Variants in SIGLEC15 observed in about 807,000 individuals in gnomAD.
SIGLEC15 encodes the protein sialic acid-binding Ig-like lectin 15.
SIGLEC15 carries 31 observed loss-of-function variants against 26.2 expected under a neutral mutation model. The observed-to-expected ratio is 1.18, with a 90% CI of 0.89 to 1.60. The LOEUF is 1.60. SIGLEC15 is among the 40% of genes most tolerant of loss of function. The pLI is 0.00. For synonymous variants in SIGLEC15, 207 were observed against 221.9 expected, an observed-to-expected ratio of 0.93 and a Z score of 0.60; for missense variants, 501 against 488.4, an observed-to-expected ratio of 1.03 and a Z score of -0.24.
chr18:45,826,279 T>C (rs1367448077), intron 1 of SIGLEC15, among the ~76,000 whole-genome samples: 3 of 152,044 alleles, frequency 2.0e-5, no homozygotes, highest in Non-Finnish European at 4.4e-5. Flanking sequence ...GGAATCCCAG[T>C]GGGTGAGTGG....
At chr18:45,831,245 C>A (rs1194124800) in intron 1 of SIGLEC15, among the ~76,000 whole-genome samples, 7 of 152,192 alleles carry the variant, frequency 4.6e-5, no homozygotes, top group African/African-American at 1.2e-4. Flanking sequence ...TGGCTCAAAG[C>A]CTTCTGGGTT....
Position 45,842,446 on chromosome 18 carries a change from A to T in SIGLEC15, c.*259A>T, listed in dbSNP as rs572547060. 3.8e-4 allele frequency: 152 copies of T among 395,520 alleles called. No homozygotes were observed. The highest frequency in any genetic ancestry group is 1.4e-3 in the Middle Eastern group (2 of 1,404). The allele number at this position is 395,520 out of a possible 1,614,324, so 24.5% of individuals were successfully genotyped here. On this transcript the variant is annotated 3_prime_UTR_variant, in exon 6 of 6. Coordinates refer to ENST00000389474, the MANE Select transcript of SIGLEC15 (RefSeq NM_213602.3). ...GTCTGTGTGTGTGTGTGTGTGTGAG[A>T]GAGAGAGAGAGAGAGTACACGCATT...
chr18:45,837,214 A>C, intron 2 of SIGLEC15, 126 bp downstream of exon 2: 1 of 1,422,418 alleles, frequency 7.0e-7, no homozygotes, highest in Non-Finnish European at 9.3e-7. Context: ...TATGGGGTCA[A>C]GGGGCCTGCA....
intron 2 of SIGLEC15, 30 bp from the exon 3 acceptor site, chr18:45,837,483 C>T (rs777651848): frequency 3.5e-6 from 5 of 1,448,212 alleles, no homozygotes; most frequent in Non-Finnish European, 4.5e-6. Flanking sequence ...CCCAGGGCCC[C>T]GAGCCTGACG....
intron 2 of SIGLEC15, 51 bp from the exon 3 acceptor site, chr18:45,837,462 G>C: frequency 7.0e-7 from 1 of 1,424,758 alleles, no homozygotes; most frequent in Non-Finnish European, 9.1e-7. Context: ...CCCGGGTGCG[G>C]GCGCCTCGAC....
chr18:45,838,772 G>T lies in SIGLEC15; in HGVS notation c.551G>T (p.Arg184Leu). ...SVLPSPAHAFRALCTAEGEPP... is the reference protein window; with the variant it reads ...SVLPSPAHAFLALCTAEGEPP... ...CTGCCCAGTCCGGCTCACGCCTTCC[G>T]CGCGCTCTGCACTGCCGAAGGGGAG... Residue 184 changes from arginine (R) to leucine (L), a missense_variant, in exon 4 of 6, where the codon CGC becomes CTC. Transcript: ENST00000389474. 6.4e-7 allele frequency: 1 copy of T among 1,572,890 alleles called. No homozygotes were observed. Among genetic ancestry groups the T allele is most frequent in the East Asian group, 2.3e-5 (1 of 43,178 alleles).
rs201942536 is a variant in SIGLEC15, at chr18:45,838,826, C to A, written c.605C>A (p.Pro202Gln). ...EPPPALAWSG[P>Q]ALGNSLAAVR... ...CCGCCCGCCCTCGCCTGGTCCGGCCCGGCCCTGGGCAACAGCTTGGCAGCC... is the reference window on the plus strand; with the variant it reads ...CCGCCCGCCCTCGCCTGGTCCGGCCAGGCCCTGGGCAACAGCTTGGCAGCC... Residue 202 changes from proline (P) to glutamine (Q), a missense_variant, in exon 4 of 6, where the codon CCG becomes CAG. Coordinates refer to ENST00000389474, the MANE Select transcript of SIGLEC15 (RefSeq NM_213602.3). 253 of 1,562,904 alleles carry A rather than the reference C, an allele frequency of 1.6e-4. 1 individual carries two copies. The African/African-American group carries it at 3.1e-3, about 19-fold the overall frequency.
At position 45,840,218 on chromosome 18, in the gene SIGLEC15, G is replaced by C; in HGVS notation, c.882G>C (p.Leu294=). The C allele has an allele frequency of 6.2e-7, 1 of 1,612,560 alleles. No individual in the cohort carries two copies. Residue 294 remains leucine (L), a synonymous_variant, in exon 5 of 6, where the codon CTG becomes CTC. Coordinates refer to ENST00000389474, the MANE Select transcript of SIGLEC15 (RefSeq NM_213602.3). ...ARAARRRPEH[L]DTPDTPPRSQ... Reference sequence around the variant, plus strand: ...TTGCTGTCCCTCCCACAGAGCATCTGGACACCCCGGACACCCCACCACGGT... The same window carrying C: ...TTGCTGTCCCTCCCACAGAGCATCTCGACACCCCGGACACCCCACCACGGT...
intron 1 of SIGLEC15, among the ~76,000 whole-genome samples, chr18:45,832,573 C>A (rs1166219357): frequency 6.6e-6 from 1 of 152,214 alleles, no homozygotes; most frequent in African/African-American, 2.4e-5. Flanking sequence ...CCAAAGCTAG[C>A]ATGCTTCCCG....
At chr18:45,828,371 C>T (rs938047261) in intron 1 of SIGLEC15, among the ~76,000 whole-genome samples, 1 of 152,194 alleles carries the variant, frequency 6.6e-6, no homozygotes, top group African/African-American at 2.4e-5. Context: ...CTCCCAGGGG[C>T]TCCCCACATA....
intron 1 of SIGLEC15, among the ~76,000 whole-genome samples, chr18:45,834,059 C>T (rs567918549): frequency 1.5e-4 from 23 of 152,302 alleles, no homozygotes; most frequent in Admixed American, 4.6e-4. Flanking sequence ...GATGTCCACG[C>T]CTTGTGGCTT....
intron 4 of SIGLEC15, among the ~76,000 whole-genome samples, chr18:45,839,681 T>C (rs1480362005): frequency 3.3e-5 from 5 of 152,006 alleles, no homozygotes; most frequent in African/African-American, 1.2e-4. Flanking sequence ...AATAAAAATA[T>C]GTAAGTAGGC....
chr18:45,838,380 C>G, intron 3 of SIGLEC15: 1 of 425,600 alleles, frequency 2.3e-6, no homozygotes, highest in Non-Finnish European at 4.2e-6. Flanking sequence ...AGTGGCTCTC[C>G]ACTCTAGCCC....
chr18:45,829,071 G>A, intron 1 of SIGLEC15: 3 of 985,566 alleles, frequency 3.0e-6, no homozygotes, highest in South Asian at 4.7e-5. Context: ...TGGGCAGGGG[G>A]TGGGGGCACC....
chr18:45,833,142 T>C (rs946079113), intron 1 of SIGLEC15, among the ~76,000 whole-genome samples: 2 of 152,048 alleles, frequency 1.3e-5, no homozygotes, highest in Non-Finnish European at 2.9e-5. Flanking sequence ...CACTGGAGCA[T>C]ACAGGTAAAG....
Position 45,838,004 on chromosome 18 carries a change from C to T in SIGLEC15, c.496+108C>T, listed in dbSNP as rs562193648. 2.5e-5 allele frequency: 33 copies of T among 1,319,912 alleles called. No homozygotes were observed. In the African/African-American group the frequency reaches 3.0e-4, roughly 12 times the overall value. The allele number at this position is 1,319,912 out of a possible 1,614,324, so 81.8% of individuals were successfully genotyped here. Reference sequence around the variant, plus strand: ...CGCTGTGCTGAGCCAGGAAGGGCAACGAGACCCAGCCCTCTCCTCTACCCC... The same window carrying T: ...CGCTGTGCTGAGCCAGGAAGGGCAATGAGACCCAGCCCTCTCCTCTACCCC... On this transcript the variant is annotated intron_variant, in intron 3 of 5. Transcript: ENST00000389474.
At position 45,838,995 on chromosome 18, in the gene SIGLEC15, C is replaced by T. The variant is rs1392928289; in HGVS notation, c.774C>T (p.Ala258=). 13 of 1,597,444 alleles carry T rather than the reference C, an allele frequency of 8.1e-6. No individual in the cohort carries two copies. The highest frequency in any genetic ancestry group is 1.1e-5 in the Non-Finnish European group (13 of 1,176,702). ...ASVYLFRFHG[A]SGASTVALLL... is the part of the protein sequence containing the mutation. Reference sequence around the variant, plus strand: ...TCTACCTGTTCCGCTTCCATGGCGCCAGCGGGGCCTCGACGGTCGCCCTCC... The same window carrying T: ...TCTACCTGTTCCGCTTCCATGGCGCTAGCGGGGCCTCGACGGTCGCCCTCC... The change falls in exon 4 of 6, where the codon GCC becomes GCT. Residue 258 remains alanine (A), a synonymous_variant. Coordinates refer to ENST00000389474, the MANE Select transcript of SIGLEC15 (RefSeq NM_213602.3).
intron 1 of SIGLEC15, among the ~76,000 whole-genome samples, chr18:45,836,046 A>T (rs1249951557): frequency 6.6e-6 from 1 of 152,154 alleles, no homozygotes; most frequent in African/African-American, 2.4e-5. Flanking sequence ...GTGCAGAAGG[A>T]ATGTCCCGAC....
chr18:45,827,682 C>T (rs1008476927), intron 1 of SIGLEC15, among the ~76,000 whole-genome samples: 1 of 152,206 alleles, frequency 6.6e-6, no homozygotes, highest in African/African-American at 2.4e-5. Flanking sequence ...ACATCAAAGG[C>T]CCCCAGCACA....
Sources: allele counts gnomAD v4.1 joint callset (sites outside exome capture counted in the v4.1 genomes callset), GRCh38; gene constraint gnomAD v4.1.1; transcripts MANE v1.5; gene names NCBI Gene and HGNC (gene_info 2026-07-23, HGNC 2026-07-21).